The following PIWIL2 variants were observed in gnomAD, a reference collection of about 807,000 sequenced individuals.
The protein encoded by PIWIL2 is piwi-like protein 2.
Under a neutral mutation model 116.5 loss-of-function variants are expected in PIWIL2, and 81 were observed. The observed-to-expected ratio is 0.70, with a 90% CI of 0.58 to 0.84. The LOEUF (loss-of-function observed/expected upper bound fraction) is 0.84. Ranked by LOEUF, PIWIL2 falls within the 40% of genes least tolerant of loss-of-function variation. PIWIL2 has a pLI of 0.00. For synonymous variants in PIWIL2, 489 were observed against 429.5 expected (o/e 1.14, Z -1.71); for missense variants, 1,272 against 1,212.3 (o/e 1.05, Z -0.73).
At chr8:22,315,183 A>G in intron 18 of PIWIL2, 38 bp downstream of exon 18, 2 of 1,119,422 alleles carry the variant, frequency 1.8e-6, no homozygotes, top group Non-Finnish European at 2.7e-6. Flanking sequence ...GCCTCTCCAG[A>G]GAATCCTCCA....
chr8:22,335,055 CAA>C (rs35685695), intron 20 of PIWIL2, among the ~76,000 whole-genome samples: 9 of 50,114 alleles, frequency 1.8e-4, no homozygotes, highest in African/African-American at 2.0e-4. Context: ...ACTCTTGTCT[CAA>C]AAAAAAAAAA....
chr8:22,325,838 A>C (rs1217146058), intron 20 of PIWIL2, among the ~76,000 whole-genome samples: 1 of 152,150 alleles, frequency 6.6e-6, no homozygotes, highest in African/African-American at 2.4e-5. Flanking sequence ...GCAGGTATGC[A>C]AAATCCAGTC....
chr8:22,327,727 G>A (rs1176501245), intron 20 of PIWIL2, among the ~76,000 whole-genome samples: 1 of 152,142 alleles, frequency 6.6e-6, no homozygotes, highest in Non-Finnish European at 1.5e-5. Flanking sequence ...TTAATGACCA[G>A]TGATGTTGAA....
intron 13 of PIWIL2, among the ~76,000 whole-genome samples, chr8:22,307,302 G>A (rs1246568895): frequency 5.3e-5 from 8 of 151,808 alleles, no homozygotes; most frequent in Admixed American, 2.0e-4. Context: ...GATTACAGGC[G>A]TGAGCCACTG....
At chr8:22,329,986 A>G (rs1286273210) in intron 20 of PIWIL2, among the ~76,000 whole-genome samples, 1 of 152,020 alleles carries the variant, frequency 6.6e-6, no homozygotes, top group Non-Finnish European at 1.5e-5. Context: ...GTTTTTCCTC[A>G]AATTTGGGAA....
intron 5 of PIWIL2, among the ~76,000 whole-genome samples, chr8:22,283,494 C>T (rs941420608): frequency 4.6e-5 from 7 of 152,338 alleles, no homozygotes; most frequent in Non-Finnish European, 8.8e-5. Flanking sequence ...TTGTAACCTC[C>T]GCCTCGCGGG....
At chr8:22,281,542 CT>C in intron 4 of PIWIL2, 27 bp downstream of exon 4, 1 of 1,530,414 alleles carries the variant, frequency 6.5e-7, no homozygotes, top group African/African-American at 1.4e-5. Context: ...TCTCAGGTAA[CT>C]ATCAAATTCA....
chr8:22,281,105 T>C lies in PIWIL2; in HGVS notation c.199-15T>C, dbSNP rs757577820. ...TAAACTACCTCTTAGAACTTTATTC[T>C]TTGACTTTCCACAGGAGTCTGTGGG... On this transcript the variant is annotated splice_polypyrimidine_tract_variant and intron_variant, in intron 2 of 22. Coordinates refer to ENST00000356766, the MANE Select transcript of PIWIL2 (RefSeq NM_018068.5). 13 of 1,577,002 alleles carry C rather than the reference T, an allele frequency of 8.2e-6. No homozygotes were observed. In the African/African-American group the frequency reaches 1.6e-4, roughly 20 times the overall value.
chr8:22,351,440 C>CATATATAT (rs71544885), intron 20 of PIWIL2, among the ~76,000 whole-genome samples: 756 of 52,548 alleles, frequency 0.014, 29 homozygotes, highest in Middle Eastern at 0.038. Context: ...TGCATACATA[C>CATATATAT]ATATATATAT....
chr8:22,314,892 A>G, intron 17 of PIWIL2, 137 bp from the exon 18 acceptor site: 1 of 652,182 alleles, frequency 1.5e-6, no homozygotes, highest in South Asian at 2.0e-5. Context: ...CCCTAGAATT[A>G]GAATTATTAA....
At chr8:22,297,447 A>G (rs1240088489) in intron 10 of PIWIL2, among the ~76,000 whole-genome samples, 1 of 152,096 alleles carries the variant, frequency 6.6e-6, no homozygotes, top group Non-Finnish European at 1.5e-5. Flanking sequence ...CCTGTTGACA[A>G]ATCAATCACC....
chr8:22,326,205 T>C (rs1170705356), intron 20 of PIWIL2, among the ~76,000 whole-genome samples: 1 of 150,680 alleles, frequency 6.6e-6, no homozygotes, highest in Non-Finnish European at 1.5e-5. Context: ...TCCTGCTTGC[T>C]TGCTTTAAAA....
At chr8:22,345,657 C>CT (rs1287837006) in intron 20 of PIWIL2, among the ~76,000 whole-genome samples, 3 of 152,006 alleles carry the variant, frequency 2.0e-5, no homozygotes, top group African/African-American at 7.2e-5. Flanking sequence ...GAGCAAGACT[C>CT]TGTCTCAAAA....
chr8:22,340,332 C>T (rs1269711129), intron 20 of PIWIL2, among the ~76,000 whole-genome samples: 1 of 152,168 alleles, frequency 6.6e-6, no homozygotes, highest in Admixed American at 6.5e-5. Flanking sequence ...GCTGGAATTA[C>T]AGGCGTGAGC....
At chr8:22,295,978 C>G (rs996881685) in intron 10 of PIWIL2, among the ~76,000 whole-genome samples, 1 of 150,322 alleles carries the variant, frequency 6.7e-6, no homozygotes, top group African/African-American at 2.5e-5. Flanking sequence ...GTTGCTCTCC[C>G]GGCTGGCTGA....
intron 10 of PIWIL2, among the ~76,000 whole-genome samples, chr8:22,291,003 C>T (rs1478367939): frequency 6.9e-6 from 1 of 145,754 alleles, no homozygotes; most frequent in South Asian, 2.1e-4. Context: ...GAGTCTCACT[C>T]TATCACCCAG....
In PIWIL2 at chr8:22,355,430, G is replaced by A. The variant is rs372660130; in HGVS notation, c.2847G>A (p.Lys949=). The A allele has an allele frequency of 5.0e-6, 8 of 1,614,032 alleles. No individual in the cohort carries two copies. Among genetic ancestry groups the A allele is most frequent in the African/African-American group, 1.3e-5 (1 of 74,924 alleles). The change falls in exon 23 of 23, where the codon AAG becomes AAA. Residue 949 remains lysine, a synonymous_variant. Transcript: ENST00000356766. ...RVPAPCKYAH[K]LAFLSGHILH... The stretch of plus-strand genomic sequence containing the variant: ...CAGCTCCTTGCAAGTATGCCCACAA[G>A]CTAGCTTTCCTGTCAGGACACATCT...
chr8:22,330,906 G>A (rs967180631), intron 20 of PIWIL2, among the ~76,000 whole-genome samples: 2 of 152,046 alleles, frequency 1.3e-5, no homozygotes, highest in African/African-American at 4.8e-5. Flanking sequence ...GGCACGAGGT[G>A]GCTCACGCCT....
intron 1 of PIWIL2, among the ~76,000 whole-genome samples, chr8:22,278,097 G>A (rs1362226990): frequency 6.6e-6 from 1 of 152,050 alleles, no homozygotes; most frequent in Non-Finnish European, 1.5e-5. Context: ...GAACCCAGGA[G>A]GCAGAGGTTG....
Sources: allele counts gnomAD v4.1 joint callset (sites outside exome capture counted in the v4.1 genomes callset), GRCh38; gene constraint gnomAD v4.1.1; transcripts MANE v1.5; gene names NCBI Gene and HGNC (gene_info 2026-07-23, HGNC 2026-07-21).